REDIC1: variants seen among roughly 807,000 people sequenced by gnomAD.
REDIC1 encodes regulator of DNA class I crossover intermediates 1, also known as HEI10 Interacting Protein 1.
the REDIC1 span, among the ~76,000 whole-genome samples, chr12:39,887,094 T>G: frequency 6.6e-6 from 1 of 152,346 alleles, no homozygotes; most frequent in Non-Finnish European, 1.5e-5. Context: ...TTACTCAGTT[T>G]ATGCACGCTA....
chr12:39,684,496 A>G, the REDIC1 span, among the ~76,000 whole-genome samples: 42 of 152,210 alleles, frequency 2.8e-4, 1 homozygote, highest in African/African-American at 1.0e-3. Flanking sequence ...ACATAGACTT[A>G]CAAAACATTT....
At chr12:39,632,973 A>G in the REDIC1 span, among the ~76,000 whole-genome samples, 2 of 152,136 alleles carry the variant, frequency 1.3e-5, no homozygotes, top group Admixed American at 6.5e-5. Context: ...TATAAACACT[A>G]TACACTTAGG....
chr12:39,654,763 AG>A, the REDIC1 span, among the ~76,000 whole-genome samples: 1 of 151,978 alleles, frequency 6.6e-6, no homozygotes, highest in Non-Finnish European at 1.5e-5. Flanking sequence ...TCATAGAAAA[AG>A]TTGAAAGTGT....
the REDIC1 span, chr12:39,754,439 T>G: frequency 6.6e-6 from 1 of 152,276 alleles, no homozygotes; most frequent in East Asian, 1.9e-4. Flanking sequence ...GTAACTCAAC[T>G]GTAAGCCTTT....
the REDIC1 span, among the ~76,000 whole-genome samples, chr12:39,726,300 A>G: frequency 1.3e-4 from 20 of 151,830 alleles, no homozygotes; most frequent in Non-Finnish European, 2.8e-4. Flanking sequence ...TCCTAATGCT[A>G]TTCCCTCCCC....
At chr12:39,642,897 C>T in the REDIC1 span, among the ~76,000 whole-genome samples, 2 of 151,650 alleles carry the variant, frequency 1.3e-5, no homozygotes, top group Non-Finnish European at 3.0e-5. Context: ...TTATAATTAA[C>T]AATATTCTGA....
the REDIC1 span, among the ~76,000 whole-genome samples, chr12:39,786,135 T>C: frequency 6.6e-6 from 1 of 152,122 alleles, no homozygotes; most frequent in South Asian, 2.1e-4. Flanking sequence ...CGGAATGATG[T>C]GCTTTGGCTT....
chr12:39,649,791 T>C, the REDIC1 span, among the ~76,000 whole-genome samples: 1,033 of 152,078 alleles, frequency 6.8e-3, 7 homozygotes, highest in Non-Finnish European at 0.01. Context: ...CTCTCCCTTT[T>C]GAACTGAATA....
chr12:39,713,863 A>G, the REDIC1 span, among the ~76,000 whole-genome samples: 1 of 142,612 alleles, frequency 7.0e-6, no homozygotes, highest in South Asian at 2.2e-4. Context: ...ATATACATAC[A>G]TATATATGTA....
the REDIC1 span, among the ~76,000 whole-genome samples, chr12:39,804,126 G>GA: frequency 1.4e-4 from 22 of 151,744 alleles, no homozygotes; most frequent in Non-Finnish European, 2.5e-4. Flanking sequence ...GAGTGGTGGG[G>GA]AAAAAAACAC....
At chr12:39,848,477 C>A in the REDIC1 span, among the ~76,000 whole-genome samples, 1 of 152,068 alleles carries the variant, frequency 6.6e-6, no homozygotes, top group Non-Finnish European at 1.5e-5. Flanking sequence ...AATGAGAAAC[C>A]ATCTCACACC....
the REDIC1 span, among the ~76,000 whole-genome samples, chr12:39,808,170 C>G: frequency 6.6e-6 from 1 of 152,082 alleles, no homozygotes; most frequent in Non-Finnish European, 1.5e-5. Flanking sequence ...ATTGGGTTTG[C>G]TCTTCTAGAA....
chr12:39,665,100 G>T, the REDIC1 span, among the ~76,000 whole-genome samples: 1 of 151,872 alleles, frequency 6.6e-6, no homozygotes, highest in African/African-American at 2.4e-5. Context: ...GTCAATTTTG[G>T]CTTTTGTTGC....
At chr12:39,856,407 T>A in the REDIC1 span, among the ~76,000 whole-genome samples, 1 of 152,212 alleles carries the variant, frequency 6.6e-6, no homozygotes, top group Non-Finnish European at 1.5e-5. Flanking sequence ...TCTCACTCTG[T>A]CGCCAGGCTG....
At chr12:39,689,791 C>A in the REDIC1 span, among the ~76,000 whole-genome samples, 1 of 152,000 alleles carries the variant, frequency 6.6e-6, no homozygotes, top group Non-Finnish European at 1.5e-5. Flanking sequence ...ATTCATATTT[C>A]CCCAAATATG....
At chr12:39,633,635 G>T in the REDIC1 span, among the ~76,000 whole-genome samples, 1 of 152,116 alleles carries the variant, frequency 6.6e-6, no homozygotes, top group East Asian at 1.9e-4. Flanking sequence ...AGTGAAGTAG[G>T]TTTATTTATA....
At chr12:39,772,749 G>C in the REDIC1 span, among the ~76,000 whole-genome samples, 1 of 152,216 alleles carries the variant, frequency 6.6e-6, no homozygotes, top group Middle Eastern at 3.4e-3. Context: ...AGTTCCTAGG[G>C]TGATCTCCTG....
chr12:39,710,400 C>T, the REDIC1 span, among the ~76,000 whole-genome samples: 3 of 151,722 alleles, frequency 2.0e-5, no homozygotes, highest in Non-Finnish European at 2.9e-5. Context: ...CTTCTCTATC[C>T]CAATTTCACA....
chr12:39,696,563 A>T, the REDIC1 span, among the ~76,000 whole-genome samples: 32 of 142,790 alleles, frequency 2.2e-4, no homozygotes, highest in African/African-American at 8.0e-4. Flanking sequence ...AAAAAAAAAA[A>T]AAAAAAAAAA....
Sources: gnomAD v4.1 joint callset for allele counts (sites outside exome capture counted in the v4.1 genomes callset) on GRCh38, gnomAD v4.1.1 for gene constraint, MANE v1.5 for transcripts, NCBI Gene and HGNC (gene_info 2026-07-23, HGNC 2026-07-21) for gene names.